The following DOCK10 variants were observed in gnomAD, a reference collection of about 807,000 sequenced individuals.
The protein encoded by DOCK10 is dedicator of cytokinesis 10, also known as dedicator of cytokinesis protein 10.
DOCK10 carries 145 observed loss-of-function variants against 280.1 expected under a neutral mutation model. The observed-to-expected ratio is 0.52, with a 90% confidence interval of 0.45 to 0.59. The LOEUF (loss-of-function observed/expected upper bound fraction) is 0.59. Ranked by LOEUF, DOCK10 falls within the 20% of genes least tolerant of loss-of-function variation. The pLI is 0.00. For synonymous variants in DOCK10, 915 were observed against 942.2 expected, an observed-to-expected ratio of 0.97 and a Z score of 0.53; for missense variants, 2,368 against 2,651.7, an observed-to-expected ratio of 0.89 and a Z score of 2.35.
intron 2 of DOCK10, among the ~76,000 whole-genome samples, chr2:224,920,545 C>G (rs964003521): frequency 4.6e-4 from 69 of 151,534 alleles, no homozygotes; most frequent in African/African-American, 1.6e-3. Flanking sequence ...TTTAAATGAT[C>G]TGGGATGCCT....
At chr2:224,887,271 C>T (rs550639341) in intron 4 of DOCK10, among the ~76,000 whole-genome samples, 8 of 152,240 alleles carry the variant, frequency 5.3e-5, no homozygotes, top group African/African-American at 1.9e-4. Context: ...AGAGCCCCAG[C>T]CCTGAAGAAC....
At chr2:224,978,720 T>C (rs550620677) in intron 1 of DOCK10, among the ~76,000 whole-genome samples, 1 of 152,316 alleles carries the variant, frequency 6.6e-6, no homozygotes, top group South Asian at 2.1e-4. Context: ...GATGTTTACA[T>C]TGGGCTAGGC....
chr2:224,937,139 C>T (rs553535343), intron 1 of DOCK10, among the ~76,000 whole-genome samples: 93 of 152,266 alleles, frequency 6.1e-4, no homozygotes, highest in South Asian at 2.9e-3. Flanking sequence ...CCATCAACAT[C>T]TGGTAACTTA....
At chr2:225,014,809 G>A (rs1034948297) in intron 1 of DOCK10, among the ~76,000 whole-genome samples, 2 of 152,190 alleles carry the variant, frequency 1.3e-5, no homozygotes, top group Admixed American at 1.3e-4. Flanking sequence ...ACCAGGTCCA[G>A]TGTGAAGGTT....
At chr2:224,845,119 C>CT (rs1696249662) in intron 21 of DOCK10, 84 bp downstream of exon 21, 2 of 1,389,166 alleles carry the variant, frequency 1.4e-6, no homozygotes, top group Admixed American at 4.2e-5. Context: ...CCACTATGAT[C>CT]TTAAGTAGCA....
At chr2:224,837,491 A>G (rs939724983) in intron 25 of DOCK10, among the ~76,000 whole-genome samples, 2 of 152,212 alleles carry the variant, frequency 1.3e-5, no homozygotes, top group African/African-American at 4.8e-5. Flanking sequence ...AAAGGACAGC[A>G]CTTTAGTTTT....
At chr2:224,943,761 C>CTTTTTTTTTTT (rs67538456) in intron 1 of DOCK10, among the ~76,000 whole-genome samples, 2 of 107,414 alleles carry the variant, frequency 1.9e-5, no homozygotes, top group Admixed American at 1.0e-4. Context: ...TTTTTCTTTT[C>CTTTTTTTTTTT]TTTTTTTTTT....
chr2:224,796,431 A>G lies in DOCK10; in HGVS notation c.4828-5T>C, dbSNP rs1324930406. 1 of 1,535,950 alleles carries G rather than the reference A, an allele frequency of 6.5e-7. No individual in the cohort carries two copies. The highest frequency in any genetic ancestry group is 1.2e-5 in the South Asian group (1 of 83,196). ...CTGGCTCACAGCTTTGATGAGCTAG[A>G]AAAGAAAAAAAATGAACTCTCAAAA... On this transcript the variant is annotated splice_polypyrimidine_tract_variant and splice_region_variant and intron_variant, in intron 43 of 55. Coordinates refer to ENST00000258390, the MANE Select transcript of DOCK10 (RefSeq NM_014689.3).
chr2:224,867,112 T>C (rs1574963094), intron 11 of DOCK10, among the ~76,000 whole-genome samples: 1 of 139,820 alleles, frequency 7.2e-6, no homozygotes, highest in Non-Finnish European at 1.6e-5. Context: ...ACACACAAAA[T>C]TTATTTATCT....
rs531825623 is a variant in DOCK10 at position 225,037,542 on chromosome 2, G to T, written c.123+4710C>A. ...ACCCCTCCAGTTTTCTATTCAAAAT[G>T]CAGAGGATGTCCCATATCAGTTACT... is the stretch of plus-strand genomic sequence containing the variant. On this transcript the variant is annotated intron_variant, in intron 1 of 55. Coordinates refer to ENST00000258390, the MANE Select transcript of DOCK10 (RefSeq NM_014689.3). Among the ~76,000 whole-genome samples, 130 of 152,280 alleles carry T rather than the reference G, an allele frequency of 8.5e-4. 1 individual carries two copies. Among genetic ancestry groups the T allele is most frequent in the African/African-American group, 3.1e-3 (127 of 41,568 alleles).
intron 1 of DOCK10, among the ~76,000 whole-genome samples, chr2:225,017,960 C>T (rs574683318): frequency 6.6e-6 from 1 of 152,250 alleles, no homozygotes; most frequent in Non-Finnish European, 1.5e-5. Flanking sequence ...GTTGCCAGCC[C>T]CCATTCCCTG....
rs774357482 is a variant in DOCK10, at chr2:224,765,810, G to A, written c.6472C>T (p.Arg2158Cys). 7.4e-6 allele frequency: 12 copies of A among 1,613,588 alleles called. No individual in the cohort carries two copies. In the East Asian group the frequency reaches 8.9e-5, roughly 12 times the overall value. Reference protein sequence around the residue: ...QITGRDDLSKRGVDQTCTRVI... With the variant: ...QITGRDDLSKCGVDQTCTRVI... Reference sequence around the variant, plus strand: ...CGAGTGCAGGTTTGGTCCACTCCGCGCTTTGACAGGTCGTCCCTGCCCGTA... The same window carrying A: ...CGAGTGCAGGTTTGGTCCACTCCGCACTTTGACAGGTCGTCCCTGCCCGTA... The change falls in exon 56 of 56, where the codon CGC becomes TGC. Residue 2158 changes from arginine to cysteine, a missense_variant. Transcript: ENST00000258390.
chr2:225,038,370 G>A (rs755440417), intron 1 of DOCK10, among the ~76,000 whole-genome samples: 10 of 151,818 alleles, frequency 6.6e-5, no homozygotes, highest in Admixed American at 5.2e-4. Flanking sequence ...TCACGCTCAC[G>A]TAAACATGTT....
At chr2:224,844,964 T>C in intron 21 of DOCK10, 125 bp from the exon 22 acceptor site, 1 of 829,488 alleles carries the variant, frequency 1.2e-6, no homozygotes, top group Non-Finnish European at 1.9e-6. Flanking sequence ...AGGTGGAAAA[T>C]AAAAGATGCA....
chr2:224,767,459 C>T (rs1299127807), intron 55 of DOCK10, among the ~76,000 whole-genome samples: 3 of 152,124 alleles, frequency 2.0e-5, no homozygotes, highest in Admixed American at 6.5e-5. Flanking sequence ...CCACTGCACC[C>T]GGCCTCATGT....
chr2:224,992,442 G>A lies in DOCK10; in HGVS notation c.123+49810C>T, dbSNP rs140863158. On this transcript the variant is annotated intron_variant, in intron 1 of 55. Coordinates refer to ENST00000258390, the MANE Select transcript of DOCK10 (RefSeq NM_014689.3). ...TTATTTGCCAGGACTCAGGGGAGTC[G>A]CCCAAAGTATCATTTTAGGGTTGGT... is the stretch of plus-strand genomic sequence containing the variant. Among the ~76,000 whole-genome samples, 1,239 of 152,242 alleles carry A rather than the reference G, an allele frequency of 8.1e-3. 16 individuals carry two copies. The highest frequency in any genetic ancestry group is 0.029 in the African/African-American group (1,189 of 41,532).
chr2:224,838,290 A>G (rs911400951), intron 24 of DOCK10, among the ~76,000 whole-genome samples: 6 of 152,242 alleles, frequency 3.9e-5, no homozygotes, highest in African/African-American at 1.4e-4. Flanking sequence ...GCTTTTGGAA[A>G]AAGTAATTAG....
intron 2 of DOCK10, among the ~76,000 whole-genome samples, chr2:224,924,009 A>G (rs1338206670): frequency 6.6e-6 from 1 of 152,232 alleles, no homozygotes; most frequent in Non-Finnish European, 1.5e-5. Context: ...GGGGTAAAAT[A>G]TAACAACTGT....
At chr2:224,939,263 T>A (rs1473111892) in intron 1 of DOCK10, among the ~76,000 whole-genome samples, 3 of 152,228 alleles carry the variant, frequency 2.0e-5, no homozygotes, top group African/African-American at 7.2e-5. Flanking sequence ...TTTTCTATTT[T>A]GTTAACCCTT....
Sources: allele counts gnomAD v4.1 joint callset (sites outside exome capture counted in the v4.1 genomes callset), GRCh38; gene constraint gnomAD v4.1.1; transcripts MANE v1.5; gene names NCBI Gene and HGNC (gene_info 2026-07-23, HGNC 2026-07-21).